The following CSMD1 variants were observed in gnomAD, a reference collection of about 807,000 sequenced individuals.
The protein encoded by CSMD1 is CUB and sushi domain-containing protein 1.
CSMD1 carries 213 observed loss-of-function variants against 417.5 expected under a neutral mutation model. The ratio of observed to expected loss-of-function variants is 0.51; its 90% CI spans 0.46 to 0.57. The LOEUF (loss-of-function observed/expected upper bound fraction) is 0.57. Ranked by LOEUF, CSMD1 falls within the 20% of genes least tolerant of loss-of-function variation. The pLI is 0.00. For synonymous variants in CSMD1, 2,862 were observed against 1,736.8 expected (o/e 1.65, Z -16.11); for missense variants, 6,923 against 4,529.7 (o/e 1.53, Z -15.17).
intron 7 of CSMD1, among the ~76,000 whole-genome samples, chr8:3,640,921 T>A (rs2117313889): frequency 6.6e-6 from 1 of 152,116 alleles, no homozygotes; most frequent in Non-Finnish European, 1.5e-5. Flanking sequence ...GCCAGCTTTG[T>A]CTTTATTTGT....
chr8:4,727,164 T>C (rs1809513951), intron 1 of CSMD1, among the ~76,000 whole-genome samples: 1 of 152,124 alleles, frequency 6.6e-6, no homozygotes, highest in African/African-American at 2.4e-5. Flanking sequence ...CAATCCACCG[T>C]AGGCCAGTAG....
At chr8:3,336,771 G>A (rs1807290250) in intron 23 of CSMD1, among the ~76,000 whole-genome samples, 1 of 152,162 alleles carries the variant, frequency 6.6e-6, no homozygotes, top group African/African-American at 2.4e-5. Context: ...CCAGCTGCAT[G>A]CATCGCTGGC....
chr8:3,227,316 A>C (rs966814765), intron 27 of CSMD1, among the ~76,000 whole-genome samples: 2 of 31,070 alleles, frequency 6.4e-5, no homozygotes, highest in African/African-American at 2.8e-4. Context: ...CAGGAGAATC[A>C]CTGGAACACG....
chr8:4,042,892 C>G (rs1437600726), intron 3 of CSMD1, among the ~76,000 whole-genome samples: 2 of 139,872 alleles, frequency 1.4e-5, no homozygotes, highest in Non-Finnish European at 3.0e-5. Flanking sequence ...CTTTGGGAGG[C>G]TGAGGTGGGA....
intron 10 of CSMD1, among the ~76,000 whole-genome samples, chr8:3,527,949 T>C (rs1160472305): frequency 6.6e-6 from 1 of 152,172 alleles, no homozygotes. Context: ...TCAGTTTATC[T>C]GGCAGATTCT....
At chr8:3,586,064 A>T in intron 9 of CSMD1, 72 bp downstream of exon 9, 1 of 1,492,512 alleles carries the variant, frequency 6.7e-7, no homozygotes, top group Non-Finnish European at 9.1e-7. Flanking sequence ...TCATGCTTAA[A>T]TTGTATATTC....
chr8:4,281,548 T>C (rs1019611650), intron 3 of CSMD1, among the ~76,000 whole-genome samples: 5 of 152,230 alleles, frequency 3.3e-5, no homozygotes, highest in Non-Finnish European at 7.3e-5. Flanking sequence ...TCCTTTAAAA[T>C]GTTGTGACAA....
At chr8:3,078,883 C>T (rs909171081) in intron 49 of CSMD1, among the ~76,000 whole-genome samples, 1 of 152,124 alleles carries the variant, frequency 6.6e-6, no homozygotes, top group African/African-American at 2.4e-5. Context: ...TGACTGCATG[C>T]GAGTTCCTTT....
chr8:4,591,095 G>C (rs1340416787), intron 2 of CSMD1, among the ~76,000 whole-genome samples: 1 of 152,136 alleles, frequency 6.6e-6, no homozygotes, highest in South Asian at 2.1e-4. Flanking sequence ...TATTCTCTAA[G>C]GTTGTAAGCT....
chr8:4,215,077 T>C (rs942278047), intron 3 of CSMD1, among the ~76,000 whole-genome samples: 1 of 152,092 alleles, frequency 6.6e-6, no homozygotes, highest in African/African-American at 2.4e-5. Context: ...ACCAACGAAA[T>C]ACAAACAATG....
intron 11 of CSMD1, among the ~76,000 whole-genome samples, chr8:3,487,751 A>C (rs1023577831): frequency 3.0e-4 from 45 of 152,284 alleles, no homozygotes; most frequent in Middle Eastern, 3.4e-3. Flanking sequence ...TGTTTTTAAG[A>C]GTTCCTGGAA....
chr8:4,214,916 G>C (rs1242760826), intron 3 of CSMD1, among the ~76,000 whole-genome samples: 1 of 150,000 alleles, frequency 6.7e-6, no homozygotes, highest in East Asian at 1.9e-4. Context: ...ACTTGTTTTT[G>C]TTTTCAGCTC....
chr8:3,958,823 C>A (rs745784515), intron 5 of CSMD1, among the ~76,000 whole-genome samples: 1 of 152,176 alleles, frequency 6.6e-6, no homozygotes, highest in South Asian at 2.1e-4. Flanking sequence ...TCAGGAGGAT[C>A]TGCAGAGGAA....
intron 49 of CSMD1, among the ~76,000 whole-genome samples, chr8:3,059,613 C>G (rs552693164): frequency 4.6e-5 from 7 of 152,188 alleles, no homozygotes; most frequent in Admixed American, 3.3e-4. Flanking sequence ...GACACCAACT[C>G]ATTTGTGACC....
In CSMD1 at chr8:3,598,420, G is replaced by T. The variant is rs142652685; in HGVS notation, c.1098-12160C>A. On this transcript the variant is annotated intron_variant, in intron 8 of 69. Coordinates refer to ENST00000635120, the MANE Select transcript of CSMD1 (RefSeq NM_033225.6). ...TCTCTAGGAGAGAAAGGCAGGGAAA[G>T]ATTTTCCCTCAGGGTTTTTACACAG... The T allele has an allele frequency of 7.9e-5, 12 of 152,306 alleles. No individual in the cohort carries two copies. In the East Asian group the frequency reaches 2.3e-3, roughly 30 times the overall value. The allele number at this position is 152,306 out of a possible 1,614,324, so 9.4% of individuals were successfully genotyped here. A position where few individuals can be genotyped will look rare whatever the true frequency, so the allele number is the denominator to read the frequency against.
intron 3 of CSMD1, among the ~76,000 whole-genome samples, chr8:4,037,907 C>A (rs978092206): frequency 6.6e-6 from 1 of 151,888 alleles, no homozygotes; most frequent in African/African-American, 2.4e-5. Context: ...AGCTCATAAG[C>A]TTAGTGGGAA....
intron 3 of CSMD1, among the ~76,000 whole-genome samples, chr8:4,382,234 C>T (rs1486024816): frequency 6.6e-6 from 1 of 152,170 alleles, no homozygotes; most frequent in Non-Finnish European, 1.5e-5. Flanking sequence ...CATTAAACAA[C>T]CATTACCAAA....
intron 1 of CSMD1, among the ~76,000 whole-genome samples, chr8:4,685,623 C>T (rs1026411539): frequency 2.0e-5 from 3 of 152,022 alleles, no homozygotes; most frequent in Non-Finnish European, 4.4e-5. Context: ...AACGTAAGCA[C>T]ACCATCACAC....
At chr8:4,272,873 A>G (rs1804693470) in intron 3 of CSMD1, among the ~76,000 whole-genome samples, 2 of 152,218 alleles carry the variant, frequency 1.3e-5, no homozygotes, top group Admixed American at 6.5e-5. Flanking sequence ...AACGATAGAT[A>G]AAATTTGTTA....
Sources: gnomAD v4.1 joint callset for allele counts (sites outside exome capture counted in the v4.1 genomes callset) on GRCh38, gnomAD v4.1.1 for gene constraint, MANE v1.5 for transcripts, NCBI Gene and HGNC (gene_info 2026-07-23, HGNC 2026-07-21) for gene names.